Variants in CLINT1 observed in about 807,000 individuals in gnomAD.
CLINT1 encodes clathrin interacting protein localized in the trans-Golgi region.
A neutral mutation model predicts 70.4 loss-of-function variants in CLINT1; 15 were observed. The ratio of observed to expected loss-of-function variants is 0.21; its 90% CI spans 0.14 to 0.33. The LOEUF (loss-of-function observed/expected upper bound fraction) is 0.33. CLINT1 is among the 10% of genes least tolerant of loss of function. The pLI, the probability that CLINT1 is intolerant of heterozygous loss-of-function variation, is 1.00. For synonymous variants in CLINT1, 227 were observed against 254.7 expected (o/e 0.89, Z 1.04); for missense variants, 615 against 778.1 (o/e 0.79, Z 2.49).
chr5:157,826,515 ATT>A (rs149117429), intron 1 of CLINT1, among the ~76,000 whole-genome samples: 2 of 148,284 alleles, frequency 1.3e-5, no homozygotes, highest in African/African-American at 2.5e-5. Context: ...GCTTTCAGTC[ATT>A]TTTTTTTTTT....
chr5:157,805,607 C>T (rs1762361779), intron 7 of CLINT1, among the ~76,000 whole-genome samples: 1 of 152,198 alleles, frequency 6.6e-6, no homozygotes, highest in Non-Finnish European at 1.5e-5. Context: ...AGAGGCACTA[C>T]ATTCTGATTC....
At chr5:157,804,931 A>AAAAAAG (rs71285036) in intron 7 of CLINT1, among the ~76,000 whole-genome samples, 58,328 of 150,502 alleles carry the variant, frequency 0.39, 12,024 homozygotes, top group East Asian at 0.6. Flanking sequence ...CGGTCTTCCA[A>AAAAAAG]AAAAAGAAAA....
Position 157,809,928 on chromosome 5 carries a change from C to T in CLINT1, c.518-123G>A, listed in dbSNP as rs543360745. On this transcript the variant is annotated intron_variant, in intron 5 of 11. Transcript: ENST00000411809. ...CATTTTCAAAGGAAAACAGAAAGCT[C>T]CCACAGTGCTGAATCAACACAATTA... 5.2e-5 allele frequency: 47 copies of T among 909,956 alleles called. No homozygotes were observed. In the South Asian group the frequency reaches 7.5e-4, roughly 15 times the overall value. 56.4% of individuals were successfully genotyped at this position (909,956 alleles called of 1,614,324 possible).
chr5:157,843,967 A>T (rs771072523), intron 1 of CLINT1, among the ~76,000 whole-genome samples: 2 of 152,156 alleles, frequency 1.3e-5, no homozygotes, highest in Non-Finnish European at 2.9e-5. Context: ...TCAAAAGTAT[A>T]TAACTGTAAA....
chr5:157,813,284 C>T (rs1010521906), intron 4 of CLINT1, 57 bp from the exon 5 acceptor site: 11 of 1,444,780 alleles, frequency 7.6e-6, no homozygotes, highest in Non-Finnish European at 1.0e-5. Flanking sequence ...ATGTATCAAG[C>T]TCTTTAAGAT....
chr5:157,814,407 G>A lies in CLINT1; in HGVS notation c.244-114C>T, dbSNP rs907285126. 1.2e-5 allele frequency: 9 copies of A among 724,208 alleles called. No individual in the cohort carries two copies. The African/African-American group carries it at 1.6e-4, about 13-fold the overall frequency. The allele number at this position is 724,208 out of a possible 1,614,324, so 44.9% of individuals were successfully genotyped here. ...GCAAATAAAGAATCTTCATGCTGGT[G>A]GTGAGGTTTCTTTACATTAGACTTT... On this transcript the variant is annotated intron_variant, in intron 3 of 11. Coordinates refer to ENST00000411809, the MANE Select transcript of CLINT1 (RefSeq NM_014666.4).
chr5:157,837,534 T>C (rs1763466591), intron 1 of CLINT1, among the ~76,000 whole-genome samples: 1 of 152,208 alleles, frequency 6.6e-6, no homozygotes, highest in Non-Finnish European at 1.5e-5. Flanking sequence ...ATGTCAATTA[T>C]GTGTTGTTAT....
chr5:157,792,486 T>G (rs141137703), intron 9 of CLINT1, among the ~76,000 whole-genome samples: 11,165 of 152,192 alleles, frequency 0.073, 567 homozygotes, highest in Non-Finnish European at 0.11. Context: ...AGGCGGAGGT[T>G]GCAGTGAGCT....
At position 157,812,652 on chromosome 5, in the gene CLINT1, C is replaced by T. The variant is rs574103377; in HGVS notation, c.517+411G>A. ...TGTCAGGAAGCTTATCTGGTTTGGG[C>T]CAAAAATACAGCTAAATTGGTTTCA... On this transcript the variant is annotated intron_variant, in intron 5 of 11. Transcript: ENST00000411809. Among the ~76,000 whole-genome samples the T allele has an allele frequency of 2.6e-5, 4 of 152,186 alleles. No homozygotes were observed. The South Asian group carries it at 6.2e-4, about 24-fold the overall frequency.
intron 1 of CLINT1, among the ~76,000 whole-genome samples, chr5:157,834,334 C>T: frequency 6.6e-6 from 1 of 151,828 alleles, no homozygotes; most frequent in East Asian, 1.9e-4. Context: ...CACTGCGCCA[C>T]CGCACTCCAG....
intron 1 of CLINT1, among the ~76,000 whole-genome samples, chr5:157,851,589 C>T (rs1005959332): frequency 1.6e-4 from 21 of 127,284 alleles, no homozygotes; most frequent in African/African-American, 5.9e-4. Flanking sequence ...TTGGGAGGAT[C>T]GCTTAAGCTA....
intron 1 of CLINT1, among the ~76,000 whole-genome samples, chr5:157,845,729 T>G (rs888300409): frequency 9.2e-5 from 14 of 152,046 alleles, no homozygotes; most frequent in Non-Finnish European, 2.1e-4. Context: ...TTTTTTTTTG[T>G]ATTTTTAGTA....
chr5:157,830,794 C>CTATATATA (rs1190577088), intron 1 of CLINT1, among the ~76,000 whole-genome samples: 37 of 106,726 alleles, frequency 3.5e-4, no homozygotes, highest in African/African-American at 1.3e-3. Flanking sequence ...CTCTCTCTCT[C>CTATATATA]TCTATATATA....
chr5:157,840,126 C>T (rs1753113138), intron 1 of CLINT1, among the ~76,000 whole-genome samples: 1 of 131,942 alleles, frequency 7.6e-6, no homozygotes, highest in African/African-American at 2.9e-5. Context: ...ACCCACAAGG[C>T]AGAGGTTGCA....
At chr5:157,801,494 G>A (rs771371873) in intron 8 of CLINT1, among the ~76,000 whole-genome samples, 4 of 150,932 alleles carry the variant, frequency 2.7e-5, no homozygotes, top group African/African-American at 9.8e-5. Context: ...CAACAAGGGC[G>A]AAACTCTGTC....
chr5:157,838,907 T>C (rs957446681), intron 1 of CLINT1, among the ~76,000 whole-genome samples: 1 of 152,240 alleles, frequency 6.6e-6, no homozygotes, highest in Non-Finnish European at 1.5e-5. Context: ...AGAAATATAG[T>C]GCTCTTCACA....
rs1761757877 is a variant in CLINT1, at chr5:157,787,400, A to AC, written c.*245dup. 1.9e-6 allele frequency: 1 copy of AC among 523,108 alleles called. No individual in the cohort carries two copies. The highest frequency in any genetic ancestry group is 1.9e-5 in the African/African-American group (1 of 52,196). 32.4% of individuals were successfully genotyped at this position (523,108 alleles called of 1,614,324 possible). On this transcript the variant is annotated 3_prime_UTR_variant, in exon 12 of 12. Transcript: ENST00000411809. ...GTTGATAAAGGCTTTCAATGGTCTC[A>AC]CCACCCACTTGTGGTCTATCCTCAC...
intron 1 of CLINT1, among the ~76,000 whole-genome samples, chr5:157,851,670 G>C (rs1753579256): frequency 1.5e-5 from 2 of 135,882 alleles, no homozygotes; most frequent in Admixed American, 1.6e-4. Flanking sequence ...CTGAGTGACA[G>C]AGCAAGACCC....
At position 157,787,973 on chromosome 5, in the gene CLINT1, A is replaced by G; in HGVS notation, c.1551T>C (p.Asn517=). ...CAGCTCCAAAACTTTGAGTCATCAC[A>G]TTCATAGGCTGCTGCATATCTACCA... ...IQQQNMQQPM[N]VMTQSFGAVN... The change falls in exon 12 of 12, where the codon AAT becomes AAC. Residue 517 remains asparagine (N), a synonymous_variant. Coordinates refer to ENST00000411809, the MANE Select transcript of CLINT1 (RefSeq NM_014666.4). 6.2e-7 allele frequency: 1 copy of G among 1,609,444 alleles called. No individual in the cohort carries two copies. The highest frequency in any genetic ancestry group is 8.5e-7 in the Non-Finnish European group (1 of 1,177,624).
Sources: gnomAD v4.1 joint callset for allele counts (sites outside exome capture counted in the v4.1 genomes callset) on GRCh38, gnomAD v4.1.1 for gene constraint, MANE v1.5 for transcripts, NCBI Gene and HGNC (gene_info 2026-07-23, HGNC 2026-07-21) for gene names.